Variants in CKAP5 observed in about 807,000 individuals in gnomAD.
CKAP5 encodes cytoskeleton-associated protein 5.
CKAP5 carries 27 observed loss-of-function variants against 232.8 expected under a neutral mutation model. The ratio of observed to expected loss-of-function variants is 0.12; its 90% CI spans 0.09 to 0.16. The LOEUF is 0.16. CKAP5 is among the 10% of genes least tolerant of loss of function. CKAP5 has a pLI of 1.00. For missense variants in CKAP5, 1,838 were observed against 2,424.7 expected (o/e 0.76, Z 5.08); for synonymous variants, 785 against 841.1 (o/e 0.93, Z 1.16).
intron 24 of CKAP5, among the ~76,000 whole-genome samples, chr11:46,773,794 C>G (rs772059828): frequency 3.4e-5 from 5 of 148,328 alleles, no homozygotes; most frequent in Non-Finnish European, 6.0e-5. Flanking sequence ...TCTGCTTGCT[C>G]GGCCTCCCAA....
chr11:46,758,891 T>C lies in CKAP5; in HGVS notation c.4689+32A>G, dbSNP rs202218183. On this transcript the variant is annotated intron_variant, in intron 35 of 43. Transcript: ENST00000529230. ...CATTTATAGCCTCTATGTCCACCAA[T>C]GGAATCCCTGTCACGGGAGCACACC... 3.6e-5 allele frequency: 58 copies of C among 1,612,312 alleles called. No individual in the cohort carries two copies. In the East Asian group the frequency reaches 1.2e-3, roughly 35 times the overall value.
At chr11:46,836,588 T>C (rs1294903368) in intron 1 of CKAP5, among the ~76,000 whole-genome samples, 1 of 152,080 alleles carries the variant, frequency 6.6e-6, no homozygotes, top group African/African-American at 2.4e-5. Flanking sequence ...ACTACATACC[T>C]ACCAGAAGGG....
At chr11:46,757,526 CATT>C (rs753409429) in intron 35 of CKAP5, among the ~76,000 whole-genome samples, 98 of 152,130 alleles carry the variant, frequency 6.4e-4, no homozygotes, top group Non-Finnish European at 1.1e-3. Context: ...CATTTTGTCA[CATT>C]GTTGTTGATT....
intron 9 of CKAP5, among the ~76,000 whole-genome samples, chr11:46,799,854 T>G (rs1180378036): frequency 1.3e-5 from 2 of 151,912 alleles, no homozygotes; most frequent in Non-Finnish European, 2.9e-5. Flanking sequence ...CAAAAAGTAC[T>G]CAAGCATGGT....
At position 46,809,903 on chromosome 11, in the gene CKAP5, T is replaced by C. The variant is rs769204778; in HGVS notation, c.631-29A>G. ...CAAATGTCATATAATATTTAAATAA[T>C]ATCTGCATCTCCACCATTAGTTAAC... On this transcript the variant is annotated intron_variant, in intron 5 of 43. Coordinates refer to ENST00000529230, the MANE Select transcript of CKAP5 (RefSeq NM_001008938.4). The C allele has an allele frequency of 3.8e-6, 6 of 1,579,716 alleles. No homozygotes were observed. The East Asian group carries it at 1.1e-4, about 29-fold the overall frequency.
chr11:46,770,882 T>C lies in CKAP5; in HGVS notation c.3092A>G (p.Asn1031Ser), dbSNP rs770640343. 7 of 1,614,062 alleles carry C rather than the reference T, an allele frequency of 4.3e-6. No individual in the cohort carries two copies. The Admixed American group carries it at 8.3e-5, about 19-fold the overall frequency. Residue 1031 changes from asparagine (N) to serine (S), a missense_variant, in exon 25 of 44, where the codon AAT becomes AGT. Coordinates refer to ENST00000529230, the MANE Select transcript of CKAP5 (RefSeq NM_001008938.4). ...TTGGGCCTTCTTTCGCACATCTCCA[T>C]TTCGATCTTCTAGGCAGGAGTAGAG... ...PHLYSCLEDR[N>S]GDVRKKAQDA...
chr11:46,818,417 T>C lies in CKAP5; in HGVS notation c.144A>G (p.Lys48=). 1 of 1,612,202 alleles carries C rather than the reference T, an allele frequency of 6.2e-7. No individual in the cohort carries two copies. ...IKDEKSPEWS[K]FLGLIKKFVT... ...CAAATTTTTTGATCAATCCTAAAAA[T>C]TTGGACCACTCTGGGCTCTTTTCAT... The change falls in exon 3 of 44, where the codon AAA becomes AAG. Residue 48 remains lysine, a synonymous_variant. Transcript: ENST00000529230.
At chr11:46,836,421 G>A (rs765727229) in intron 1 of CKAP5, among the ~76,000 whole-genome samples, 23 of 152,166 alleles carry the variant, frequency 1.5e-4, no homozygotes, top group Non-Finnish European at 3.2e-4. Context: ...TTTAAAAAGT[G>A]AGAACACTAG....
At position 46,784,685 on chromosome 11, in the gene CKAP5, T is replaced by C; in HGVS notation, c.1969-12A>G. The C allele has an allele frequency of 6.2e-7, 1 of 1,608,704 alleles. No homozygotes were observed. The highest frequency in any genetic ancestry group is 8.5e-7 in the Non-Finnish European group (1 of 1,176,000). On this transcript the variant is annotated splice_polypyrimidine_tract_variant and intron_variant, in intron 16 of 43. Coordinates refer to ENST00000529230, the MANE Select transcript of CKAP5 (RefSeq NM_001008938.4). ...TTCATTTGCATCACCTGAACAAGGA[T>C]CAGTATCATAAAGCTAAGAGCAAGC... is the stretch of plus-strand genomic sequence containing the variant.
intron 20 of CKAP5, 92 bp downstream of exon 20, chr11:46,780,102 G>C: frequency 7.3e-7 from 1 of 1,365,466 alleles, no homozygotes; most frequent in South Asian, 1.2e-5. Context: ...TGAGTAGCTG[G>C]GACTACAGGC....
chr11:46,792,568 C>T (rs1306788665), intron 13 of CKAP5, among the ~76,000 whole-genome samples: 2 of 150,668 alleles, frequency 1.3e-5, no homozygotes, highest in Non-Finnish European at 2.9e-5. Flanking sequence ...AAAACAAAAA[C>T]AACAACAACA....
At chr11:46,750,204 C>T in intron 42 of CKAP5, 70 bp downstream of exon 42, 1 of 1,494,108 alleles carries the variant, frequency 6.7e-7, no homozygotes, top group Non-Finnish European at 9.1e-7. Flanking sequence ...TTTAAACTAA[C>T]CAAAACTTCA....
intron 12 of CKAP5, among the ~76,000 whole-genome samples, chr11:46,796,361 G>A (rs1938875282): frequency 6.6e-6 from 1 of 152,050 alleles, no homozygotes; most frequent in South Asian, 2.1e-4. Context: ...ATATAAGAAG[G>A]TAATTTTCTG....
intron 1 of CKAP5, among the ~76,000 whole-genome samples, chr11:46,829,908 C>T (rs10838621): frequency 0.52 from 77,381 of 149,114 alleles, 23,017 homozygotes; most frequent in South Asian, 0.67. Context: ...TTTACATATG[C>T]ATTTGTGTAG....
Position 46,760,608 on chromosome 11 carries a change from A to C in CKAP5, c.4394+4T>G. The C allele has an allele frequency of 6.2e-7, 1 of 1,614,060 alleles. No homozygotes were observed. Among genetic ancestry groups the C allele is most frequent in the Non-Finnish European group, 8.5e-7 (1 of 1,179,928 alleles). On this transcript the variant is annotated splice_donor_region_variant and intron_variant, in intron 33 of 43. Coordinates refer to ENST00000529230, the MANE Select transcript of CKAP5 (RefSeq NM_001008938.4). ...CTCTCAGACAAGTATCTCTATCTAC[A>C]TACTTGAGTTTGGAAGACATGTCCT...
At chr11:46,831,231 A>G (rs1565757743) in intron 1 of CKAP5, among the ~76,000 whole-genome samples, 1 of 152,038 alleles carries the variant, frequency 6.6e-6, no homozygotes, top group Non-Finnish European at 1.5e-5. Flanking sequence ...TGTATTTTTT[A>G]TATTATTAAA....
chr11:46,770,848 C>T lies in CKAP5; in HGVS notation c.3126G>A (p.Leu1042=). 5.0e-6 allele frequency: 8 copies of T among 1,614,144 alleles called. No individual in the cohort carries two copies. Among genetic ancestry groups the T allele is most frequent in the Non-Finnish European group, 6.8e-6 (8 of 1,180,010 alleles). ...ATCCTAAATGCATCATGAAGAATGG[C>T]AAGGCATCTTGGGCCTTCTTTCGCA... ...GDVRKKAQDA[L]PFFMMHLGYE... The change falls in exon 25 of 44, where the codon TTG becomes TTA. Residue 1042 remains leucine (L), a synonymous_variant. Transcript: ENST00000529230.
At position 46,765,180 on chromosome 11, in the gene CKAP5, A is replaced by C; in HGVS notation, c.3488T>G (p.Val1163Gly). Residue 1163 changes from valine to glycine, a missense_variant, in exon 28 of 44, where the codon GTT becomes GGT. This residue lies in a region of CKAP5 where 767 missense variants were observed against 954.6 expected (regional missense o/e 0.80). Transcript: ENST00000529230. ...CCTTTGCTCTTTTCCATTTGGAACAACAATAAAAATAGGCCCGGATTTGTC... is the reference window on the plus strand; with the variant it reads ...CCTTTGCTCTTTTCCATTTGGAACACCAATAAAAATAGGCCCGGATTTGTC... ...DEDKSGPIFIVVPNGKEQRMK... is the reference protein window; with the variant it reads ...DEDKSGPIFIGVPNGKEQRMK... 1 of 1,613,356 alleles carries C rather than the reference A, an allele frequency of 6.2e-7. No individual in the cohort carries two copies. The highest frequency in any genetic ancestry group is 8.5e-7 in the Non-Finnish European group (1 of 1,179,694).
At position 46,776,251 on chromosome 11, in the gene CKAP5, T is replaced by C. The variant is rs1414749974; in HGVS notation, c.2991+4A>G. ...AATGCACATGATTAATTTATGATACTAACCTCTTGCCTCAAGAAAGGATTT... is the reference window on the plus strand; with the variant it reads ...AATGCACATGATTAATTTATGATACCAACCTCTTGCCTCAAGAAAGGATTT... On this transcript the variant is annotated splice_donor_region_variant and intron_variant, in intron 24 of 43. Coordinates refer to ENST00000529230, the MANE Select transcript of CKAP5 (RefSeq NM_001008938.4). 1 of 1,613,272 alleles carries C rather than the reference T, an allele frequency of 6.2e-7. No individual in the cohort carries two copies. Among genetic ancestry groups the C allele is most frequent in the African/African-American group, 1.3e-5 (1 of 74,926 alleles).
Sources: allele counts gnomAD v4.1 joint callset (sites outside exome capture counted in the v4.1 genomes callset), GRCh38; gene constraint gnomAD v4.1.1; regional missense constraint gnomAD v4.1.1; transcripts MANE v1.5; gene names NCBI Gene and HGNC (gene_info 2026-07-23, HGNC 2026-07-21).